TBC1D22A: variants seen among roughly 807,000 people sequenced by gnomAD.
TBC1D22A encodes TBC1 domain family member 22A.
Under a neutral mutation model 60.2 loss-of-function variants are expected in TBC1D22A, and 38 were observed. The ratio of observed to expected loss-of-function variants is 0.63; its 90% CI spans 0.49 to 0.83. The LOEUF is 0.83. Ranked by LOEUF, TBC1D22A falls within the 40% of genes least tolerant of loss-of-function variation. The pLI, the probability that TBC1D22A is intolerant of heterozygous loss-of-function variation, is 0.00. For missense variants in TBC1D22A, 628 were observed against 701.0 expected (o/e 0.90, Z 1.18); for synonymous variants, 302 against 281.7 (o/e 1.07, Z -0.72).
In TBC1D22A at chr22:47,173,092, C is replaced by T. The variant is rs141770591; in HGVS notation, c.1426-406C>T. On this transcript the variant is annotated intron_variant, in intron 12 of 12. Transcript: ENST00000337137. ...AGGCTGCAAAGCTGCAGCAGGGCCC[C>T]GAGAGCTGGGTCTCCCCCTGAGGGG... Among the ~76,000 whole-genome samples the T allele has an allele frequency of 4.9e-4, 74 of 152,334 alleles. 1 individual carries two copies. The East Asian group carries it at 0.011, about 23-fold the overall frequency.
chr22:46,828,256 A>G (rs551866581), intron 4 of TBC1D22A, among the ~76,000 whole-genome samples: 45 of 152,346 alleles, frequency 3.0e-4, no homozygotes, highest in African/African-American at 1.1e-3. Context: ...AAATATATGT[A>G]AGTGTGATAA....
rs374719760 is a variant in TBC1D22A at position 47,155,582 on chromosome 22, C to T, written c.1426-17916C>T. On this transcript the variant is annotated intron_variant, in intron 12 of 12. Transcript: ENST00000337137. Reference sequence around the variant, plus strand: ...GACCATGTTGGGCAGATGGTTGCATCGTCACTGACAGAACTCAAAGGCATG... The same window carrying T: ...GACCATGTTGGGCAGATGGTTGCATTGTCACTGACAGAACTCAAAGGCATG... Among the ~76,000 whole-genome samples, 27 of 152,070 alleles carry T rather than the reference C, an allele frequency of 1.8e-4. 1 individual carries two copies. The East Asian group carries it at 3.7e-3, about 21-fold the overall frequency.
intron 4 of TBC1D22A, among the ~76,000 whole-genome samples, chr22:46,841,314 T>C (rs1270673625): frequency 1.3e-5 from 2 of 152,218 alleles, no homozygotes; most frequent in Non-Finnish European, 2.9e-5. Context: ...GACATGACAT[T>C]TGTCCCTTTT....
chr22:47,114,422 G>A (rs966232522), intron 12 of TBC1D22A, among the ~76,000 whole-genome samples: 5 of 151,974 alleles, frequency 3.3e-5, no homozygotes, highest in African/African-American at 1.2e-4. Context: ...TGCCATAGGG[G>A]TTGGATGGAG....
At chr22:46,818,111 C>T (rs910479569) in intron 4 of TBC1D22A, among the ~76,000 whole-genome samples, 29 of 151,756 alleles carry the variant, frequency 1.9e-4, no homozygotes, top group African/African-American at 6.3e-4. Flanking sequence ...TTGTTTTTTA[C>T]TTGTAAATTT....
chr22:46,993,046 G>C (rs1003822872), intron 9 of TBC1D22A, among the ~76,000 whole-genome samples: 1 of 152,214 alleles, frequency 6.6e-6, no homozygotes, highest in Non-Finnish European at 1.5e-5. Flanking sequence ...TGGATCCCTG[G>C]TCCAGGTGGA....
At chr22:47,012,965 C>T (rs1282502928) in intron 10 of TBC1D22A, among the ~76,000 whole-genome samples, 1 of 152,222 alleles carries the variant, frequency 6.6e-6, no homozygotes, top group Non-Finnish European at 1.5e-5. Context: ...CCCAGTCTGT[C>T]GTATGGCTTT....
chr22:47,082,553 T>C (rs932315728), intron 11 of TBC1D22A, among the ~76,000 whole-genome samples: 4 of 152,260 alleles, frequency 2.6e-5, no homozygotes, highest in African/African-American at 9.6e-5. Flanking sequence ...TAGCCCACTT[T>C]AAAAGTGGAC....
intron 8 of TBC1D22A, among the ~76,000 whole-genome samples, chr22:46,962,549 G>T (rs1315999464): frequency 2.6e-5 from 4 of 152,134 alleles, no homozygotes; most frequent in Non-Finnish European, 4.4e-5. Flanking sequence ...CTTATAGAGA[G>T]AAGAGGCTTA....
At chr22:47,111,948 C>T (rs1421839770) in intron 12 of TBC1D22A, among the ~76,000 whole-genome samples, 1 of 152,214 alleles carries the variant, frequency 6.6e-6, no homozygotes, top group Non-Finnish European at 1.5e-5. Context: ...CTTTACAGCA[C>T]GTGGACTGTG....
intron 4 of TBC1D22A, among the ~76,000 whole-genome samples, chr22:46,804,030 A>G (rs886545176): frequency 6.6e-6 from 1 of 152,200 alleles, no homozygotes; most frequent in African/African-American, 2.4e-5. Flanking sequence ...TTTCTTAGAT[A>G]AATTTACTAG....
At chr22:46,874,981 G>A (rs752591068) in intron 4 of TBC1D22A, among the ~76,000 whole-genome samples, 1 of 152,162 alleles carries the variant, frequency 6.6e-6, no homozygotes, top group Non-Finnish European at 1.5e-5. Flanking sequence ...TTTGTCAGGT[G>A]CATAGATTGC....
chr22:46,865,698 G>C (rs1357033532), intron 4 of TBC1D22A, among the ~76,000 whole-genome samples: 1 of 152,216 alleles, frequency 6.6e-6, no homozygotes, highest in Non-Finnish European at 1.5e-5. Flanking sequence ...AAGACCACAC[G>C]TGTGCGTTGG....
At chr22:46,910,988 C>G (rs1247834778) in intron 7 of TBC1D22A, among the ~76,000 whole-genome samples, 3 of 151,960 alleles carry the variant, frequency 2.0e-5, no homozygotes, top group Admixed American at 2.0e-4. Context: ...GGGGCAGGGA[C>G]CAGACTGAGG....
chr22:47,056,628 C>G (rs548429742), intron 11 of TBC1D22A, among the ~76,000 whole-genome samples: 1 of 152,334 alleles, frequency 6.6e-6, no homozygotes, highest in African/African-American at 2.4e-5. Flanking sequence ...GCTGCCTGAG[C>G]CGTGCAGCTG....
chr22:46,838,445 G>C (rs2086611808), intron 4 of TBC1D22A, among the ~76,000 whole-genome samples: 1 of 152,222 alleles, frequency 6.6e-6, no homozygotes, highest in African/African-American at 2.4e-5. Context: ...AAAAGCTCAG[G>C]ACCAGATGGC....
chr22:47,063,826 G>T (rs2063666636), intron 11 of TBC1D22A, among the ~76,000 whole-genome samples: 2 of 152,212 alleles, frequency 1.3e-5, no homozygotes, highest in South Asian at 4.1e-4. Context: ...CCTGACTCAT[G>T]GCAGCCTCAC....
intron 12 of TBC1D22A, among the ~76,000 whole-genome samples, chr22:47,120,497 C>A (rs1250335555): frequency 6.6e-6 from 1 of 152,190 alleles, no homozygotes; most frequent in African/African-American, 2.4e-5. Flanking sequence ...AGTAAGCCAG[C>A]CCTAGAACTA....
intron 8 of TBC1D22A, among the ~76,000 whole-genome samples, chr22:46,916,875 G>T (rs2070402402): frequency 6.6e-6 from 1 of 152,240 alleles, no homozygotes; most frequent in South Asian, 2.1e-4. Flanking sequence ...TAATGTGATG[G>T]GAGAGATCGA....
Sources: allele counts gnomAD v4.1 joint callset (sites outside exome capture counted in the v4.1 genomes callset), GRCh38; gene constraint gnomAD v4.1.1; transcripts MANE v1.5; gene names NCBI Gene and HGNC (gene_info 2026-07-23, HGNC 2026-07-21).